The following ADAMTSL3 variants were observed in gnomAD, a reference collection of about 807,000 sequenced individuals.
The protein encoded by ADAMTSL3 is ADAMTS-like protein 3.
Under a neutral mutation model 201.7 loss-of-function variants are expected in ADAMTSL3, and 128 were observed. That is an observed-to-expected ratio of 0.63 (90% CI 0.55 to 0.73). The LOEUF (loss-of-function observed/expected upper bound fraction) is 0.73, where lower values mean the gene tolerates loss of function less well. ADAMTSL3 is among the 30% of genes least tolerant of loss of function. The pLI, the probability that ADAMTSL3 is intolerant of heterozygous loss-of-function variation, is 0.00. For missense variants in ADAMTSL3, 1,990 were observed against 2,119.6 expected (o/e 0.94, Z 1.20); for synonymous variants, 738 against 748.4 (o/e 0.99, Z 0.23).
chr15:83,743,756 T>A (rs12916596), intron 3 of ADAMTSL3, among the ~76,000 whole-genome samples: 1 of 152,140 alleles, frequency 6.6e-6, no homozygotes, highest in Admixed American at 6.5e-5. Flanking sequence ...ATGAGGAGAT[T>A]GGATGAAGAT....
intron 5 of ADAMTSL3, among the ~76,000 whole-genome samples, chr15:83,812,277 T>G (rs1015151705): frequency 6.6e-6 from 1 of 152,188 alleles, no homozygotes; most frequent in African/African-American, 2.4e-5. Context: ...AGCATCCCCC[T>G]GCTGTTACTT....
chr15:83,979,163 G>A (rs936974679), intron 20 of ADAMTSL3, among the ~76,000 whole-genome samples: 2 of 152,224 alleles, frequency 1.3e-5, no homozygotes, highest in African/African-American at 2.4e-5. Flanking sequence ...ATCCCAGTGA[G>A]AGCAAGAACA....
rs1335195129 is a variant in ADAMTSL3 at position 83,714,868 on chromosome 15, CCCTCCCTCCCTTCCTTCCTTCCTT to C, written c.189+10364_189+10387del. On this transcript the variant is annotated intron_variant, in intron 3 of 29. Transcript: ENST00000286744. ...TCTCTCTTTCCCTCCCTCCCTCCCT[CCCTCCCTCCCTTCCTTCCTTCCTT>C]CCTTCCTTCCTTCCTTCCTTCCTTC... 5.2e-3 allele frequency among the ~76,000 whole-genome samples: 60 copies of C among 11,486 alleles called. 2 individuals are homozygous for C. In the East Asian group the frequency reaches 0.079, roughly 15 times the overall value. 7.5% of individuals were successfully genotyped at this position (11,486 alleles called of 152,430 possible). A position where few individuals can be genotyped will look rare whatever the true frequency, so the allele number is the denominator to read the frequency against.
chr15:83,989,299 T>G (rs1431326349), intron 22 of ADAMTSL3, among the ~76,000 whole-genome samples: 1 of 152,224 alleles, frequency 6.6e-6, no homozygotes, highest in Non-Finnish European at 1.5e-5. Flanking sequence ...AAGTTCTGGC[T>G]TAGTAGGTTT....
At chr15:83,718,808 A>G (rs1348360698) in intron 3 of ADAMTSL3, among the ~76,000 whole-genome samples, 2 of 152,182 alleles carry the variant, frequency 1.3e-5, no homozygotes, top group Admixed American at 6.6e-5. Context: ...ACTAAAATGC[A>G]TTAGTCACTG....
At chr15:83,980,080 A>G (rs1567278654) in intron 20 of ADAMTSL3, among the ~76,000 whole-genome samples, 1 of 152,226 alleles carries the variant, frequency 6.6e-6, no homozygotes, top group African/African-American at 2.4e-5. Flanking sequence ...GCAAAATTTG[A>G]GAGCCATTTT....
intron 6 of ADAMTSL3, among the ~76,000 whole-genome samples, chr15:83,825,331 T>C (rs1371690857): frequency 6.6e-6 from 1 of 152,172 alleles, no homozygotes; most frequent in Admixed American, 6.5e-5. Flanking sequence ...GCAATTTAGG[T>C]TGGGCGCATT....
chr15:83,953,748 G>T (rs1186603586), intron 19 of ADAMTSL3, among the ~76,000 whole-genome samples: 1 of 152,098 alleles, frequency 6.6e-6, no homozygotes, highest in African/African-American at 2.4e-5. Flanking sequence ...CTCAGCTTTT[G>T]TTTGTCTGGG....
intron 19 of ADAMTSL3, among the ~76,000 whole-genome samples, chr15:83,953,991 A>G (rs1725773178): frequency 6.6e-6 from 1 of 152,116 alleles, no homozygotes; most frequent in South Asian, 2.1e-4. Context: ...GAGTTTGACT[A>G]TTAAATTCCT....
At chr15:84,006,131 T>C (rs2067889942) in intron 23 of ADAMTSL3, among the ~76,000 whole-genome samples, 1 of 152,216 alleles carries the variant, frequency 6.6e-6, no homozygotes, top group African/African-American at 2.4e-5. Flanking sequence ...TCTAGTAGCT[T>C]TGAGATACTT....
intron 20 of ADAMTSL3, among the ~76,000 whole-genome samples, chr15:83,972,323 T>C (rs533420991): frequency 6.6e-6 from 1 of 152,312 alleles, no homozygotes; most frequent in South Asian, 2.1e-4. Flanking sequence ...AAACTTGAGA[T>C]TCCAAGTTGT....
intron 3 of ADAMTSL3, among the ~76,000 whole-genome samples, chr15:83,724,608 T>G (rs920945527): frequency 1.3e-5 from 2 of 152,244 alleles, no homozygotes; most frequent in Non-Finnish European, 2.9e-5. Flanking sequence ...TTGACTGTAG[T>G]CACCCTGTTG....
rs534557663 is a variant in ADAMTSL3, at chr15:84,029,614, A to G, written c.4657-1721A>G. Among the ~76,000 whole-genome samples the G allele has an allele frequency of 4.1e-5, 6 of 145,542 alleles. No individual in the cohort carries two copies. The South Asian group carries it at 9.0e-4, about 22-fold the overall frequency. ...AAAAGTTTGGAAAATTTGCAGCCTG[A>G]GGATGCAATGGAAAAGAAAAACCCA... On this transcript the variant is annotated intron_variant, in intron 27 of 29. Coordinates refer to ENST00000286744, the MANE Select transcript of ADAMTSL3 (RefSeq NM_207517.3).
intron 15 of ADAMTSL3, among the ~76,000 whole-genome samples, chr15:83,903,949 A>AGG (rs1567226151): frequency 0.012 from 476 of 38,182 alleles, 17 homozygotes; most frequent in Middle Eastern, 0.034. Flanking sequence ...AAAAAAGAAA[A>AGG]AAGAAAGAAA....
chr15:83,715,989 A>G (rs941002156), intron 3 of ADAMTSL3, among the ~76,000 whole-genome samples: 3 of 152,190 alleles, frequency 2.0e-5, no homozygotes, highest in African/African-American at 7.2e-5. Flanking sequence ...GCTCTTTGAA[A>G]TAGTCACTCA....
chr15:83,803,928 A>G (rs2063561386), intron 4 of ADAMTSL3, among the ~76,000 whole-genome samples: 1 of 152,178 alleles, frequency 6.6e-6, no homozygotes, highest in African/African-American at 2.4e-5. Context: ...GGACTGCTTG[A>G]GGCCAGGAGT....
chr15:83,758,026 A>G (rs2141693875), intron 3 of ADAMTSL3, among the ~76,000 whole-genome samples: 1 of 152,336 alleles, frequency 6.6e-6, no homozygotes, highest in Middle Eastern at 3.4e-3. Flanking sequence ...ACAAGTCTCT[A>G]GGAAGTTCCA....
At chr15:83,730,365 G>A (rs2062246379) in intron 3 of ADAMTSL3, among the ~76,000 whole-genome samples, 1 of 152,070 alleles carries the variant, frequency 6.6e-6, no homozygotes, top group Admixed American at 6.6e-5. Context: ...ACAGGTGGAG[G>A]AACTACAGGA....
intron 13 of ADAMTSL3, among the ~76,000 whole-genome samples, 162 bp from the exon 14 acceptor site, chr15:83,897,696 A>G (rs1467877731): frequency 6.6e-6 from 1 of 152,230 alleles, no homozygotes; most frequent in Admixed American, 6.5e-5. Context: ...TACAAGTATC[A>G]CAGAAAATTA....
Sources: gnomAD v4.1 joint callset for allele counts (sites outside exome capture counted in the v4.1 genomes callset) on GRCh38, gnomAD v4.1.1 for gene constraint, MANE v1.5 for transcripts, NCBI Gene and HGNC (gene_info 2026-07-23, HGNC 2026-07-21) for gene names.